CCSER1: variants seen among roughly 807,000 people sequenced by gnomAD.
CCSER1 encodes the protein coiled-coil serine rich protein 1, also known as serine-rich coiled-coil domain-containing protein 1.
In CCSER1, 41 loss-of-function variants were observed where a neutral mutation model predicts 82.0. The ratio of observed to expected loss-of-function variants is 0.50; its 90% CI spans 0.39 to 0.65. CCSER1 has a LOEUF of 0.65. CCSER1 is among the 30% of genes least tolerant of loss of function. The pLI is 0.00. For missense variants in CCSER1, 1,119 were observed against 1,064.2 expected (o/e 1.05, Z -0.72); for synonymous variants, 414 against 383.9 (o/e 1.08, Z -0.92).
chr4:90,463,032 T>C (rs764961541), intron 4 of CCSER1, among the ~76,000 whole-genome samples: 8 of 152,162 alleles, frequency 5.3e-5, no homozygotes, highest in Non-Finnish European at 1.0e-4. Context: ...AGTTGTGATA[T>C]GTTCTGATAT....
chr4:90,684,213 C>CA lies in CCSER1; in HGVS notation c.1933-39695dup, dbSNP rs1253388542. Among the ~76,000 whole-genome samples, 2 of 151,928 alleles carry CA rather than the reference C, an allele frequency of 1.3e-5. 1 individual carries two copies. The highest frequency in any genetic ancestry group is 1.3e-4 in the Admixed American group (2 of 15,240). On this transcript the variant is annotated intron_variant, in intron 6 of 10. Transcript: ENST00000509176. ...TATTTTGGGATATACTAATTTGCTT[C>CA]AAAAAATTGTATCTAGGAAATAATG...
intron 5 of CCSER1, among the ~76,000 whole-genome samples, chr4:90,595,421 A>C (rs543597129): frequency 6.6e-6 from 1 of 152,140 alleles, no homozygotes; most frequent in African/African-American, 2.4e-5. Context: ...ATATTTATAA[A>C]AAATTTATTC....
Position 90,479,865 on chromosome 4 carries a change from G to T in CCSER1, c.1724+11511G>T, listed in dbSNP as rs553602401. ...TGTGCATGTGTCTTTATAGCAGCAT[G>T]ATTTATAATCCTTTGGATATATACC... On this transcript the variant is annotated intron_variant, in intron 5 of 10. Transcript: ENST00000509176. Among the ~76,000 whole-genome samples, 4 of 152,340 alleles carry T rather than the reference G, an allele frequency of 2.6e-5. No individual in the cohort carries two copies. In the South Asian group the frequency reaches 8.3e-4, roughly 32 times the overall value.
chr4:90,698,379 A>G (rs1250195759), intron 6 of CCSER1, among the ~76,000 whole-genome samples: 2 of 152,148 alleles, frequency 1.3e-5, no homozygotes, highest in Non-Finnish European at 2.9e-5. Flanking sequence ...ACTAGAGAGG[A>G]GAGAGACTGA....
intron 10 of CCSER1, among the ~76,000 whole-genome samples, chr4:91,530,655 T>A (rs1760980707): frequency 6.6e-6 from 1 of 151,298 alleles, no homozygotes; most frequent in Admixed American, 6.6e-5. Context: ...GAAAAAAAAA[T>A]TCTGTTATAA....
intron 2 of CCSER1, 49 bp downstream of exon 2, chr4:90,309,657 A>T (rs1331246882): frequency 7.2e-7 from 1 of 1,380,770 alleles, no homozygotes; most frequent in African/African-American, 1.5e-5. Context: ...AATTTTCATT[A>T]TACTTTATTC....
chr4:91,088,764 G>T (rs976064020), intron 10 of CCSER1, among the ~76,000 whole-genome samples: 2 of 152,090 alleles, frequency 1.3e-5, no homozygotes, highest in Non-Finnish European at 2.9e-5. Flanking sequence ...ATTTCTAACT[G>T]ATTATAAACA....
chr4:91,400,809 C>T (rs1752269307), intron 10 of CCSER1, among the ~76,000 whole-genome samples: 1 of 151,500 alleles, frequency 6.6e-6, no homozygotes, highest in African/African-American at 2.4e-5. Flanking sequence ...GTTTAATTTT[C>T]AATTAAGTCT....
chr4:91,115,983 C>T (rs1214747651), intron 10 of CCSER1, among the ~76,000 whole-genome samples: 1 of 151,452 alleles, frequency 6.6e-6, no homozygotes. Context: ...TTAGGTATAT[C>T]TCCTAATGCT....
At position 90,830,276 on chromosome 4, in the gene CCSER1, C is replaced by T. The variant is rs150236893; in HGVS notation, c.2094+14431C>T. Among the ~76,000 whole-genome samples, 305 of 152,124 alleles carry T rather than the reference C, an allele frequency of 2.0e-3. 4 individuals are homozygous for T. The highest frequency in any genetic ancestry group is 7.0e-3 in the African/African-American group (291 of 41,526). On this transcript the variant is annotated intron_variant, in intron 8 of 10. Transcript: ENST00000509176. Reference sequence around the variant, plus strand: ...TTGTGTATCTTACCTCACCCTTGGCCGTAATTTTTCTTTTATATTGAGGAA... The same window carrying T: ...TTGTGTATCTTACCTCACCCTTGGCTGTAATTTTTCTTTTATATTGAGGAA...
At chr4:90,759,951 A>C (rs1343847853) in intron 7 of CCSER1, among the ~76,000 whole-genome samples, 4 of 151,994 alleles carry the variant, frequency 2.6e-5, no homozygotes, top group Non-Finnish European at 4.4e-5. Flanking sequence ...CTTAATATGA[A>C]TATTTTCTTT....
chr4:90,729,971 C>A (rs184228263), intron 7 of CCSER1, among the ~76,000 whole-genome samples: 146 of 152,208 alleles, frequency 9.6e-4, no homozygotes, highest in Non-Finnish European at 1.7e-3. Context: ...CTTTTGTTAT[C>A]CAAACCACCA....
At chr4:90,423,899 C>T (rs1048619945) in intron 4 of CCSER1, among the ~76,000 whole-genome samples, 3 of 151,574 alleles carry the variant, frequency 2.0e-5, no homozygotes, top group African/African-American at 4.8e-5. Flanking sequence ...GTCAGGAGAT[C>T]GAAACCATGG....
At chr4:90,585,165 G>A (rs1455349115) in intron 5 of CCSER1, among the ~76,000 whole-genome samples, 1 of 152,110 alleles carries the variant, frequency 6.6e-6, no homozygotes, top group African/African-American at 2.4e-5. Flanking sequence ...AAAAATTAAA[G>A]CCACAATGAA....
At chr4:91,500,442 A>G (rs1394155489) in intron 10 of CCSER1, among the ~76,000 whole-genome samples, 2 of 151,982 alleles carry the variant, frequency 1.3e-5, no homozygotes, top group Non-Finnish European at 2.9e-5. Context: ...CTTGTTGTGA[A>G]GTCTTAAGCT....
intron 5 of CCSER1, among the ~76,000 whole-genome samples, chr4:90,566,359 A>AGTTAGTATCTTGATCTCCTCTGTATTT (rs1779378453): frequency 6.6e-6 from 1 of 151,796 alleles, no homozygotes; most frequent in Non-Finnish European, 1.5e-5. Context: ...GAGTTTAAGA[A>AGTTAGTATCTTGATCTCCTCTGTATTT]GAATTGGTAT....
intron 1 of CCSER1, among the ~76,000 whole-genome samples, chr4:90,223,398 T>C (rs62313910): frequency 0.38 from 57,170 of 151,688 alleles, 10,862 homozygotes; most frequent in South Asian, 0.48. Flanking sequence ...CCTTCATTAT[T>C]TATATTGATG....
chr4:91,592,200 G>A, intron 10 of CCSER1, among the ~76,000 whole-genome samples: 1 of 152,118 alleles, frequency 6.6e-6, no homozygotes. Context: ...GGAAGGGGAA[G>A]CAAATACGTC....
chr4:90,707,010 G>A (rs1405926306), intron 6 of CCSER1, among the ~76,000 whole-genome samples: 1 of 152,122 alleles, frequency 6.6e-6, no homozygotes, highest in Non-Finnish European at 1.5e-5. Flanking sequence ...CCTAACCACT[G>A]TCTTTTCCTG....
Sources: gnomAD v4.1 joint callset for allele counts (sites outside exome capture counted in the v4.1 genomes callset) on GRCh38, gnomAD v4.1.1 for gene constraint, MANE v1.5 for transcripts, NCBI Gene and HGNC (gene_info 2026-07-23, HGNC 2026-07-21) for gene names.